Variants in SERPINI1 observed in about 807,000 individuals in gnomAD.
SERPINI1 encodes neuroserpin.
SERPINI1 carries 19 observed loss-of-function variants against 41.1 expected under a neutral mutation model. The observed-to-expected ratio is 0.46, with a 90% CI of 0.32 to 0.68. The LOEUF (loss-of-function observed/expected upper bound fraction) is 0.68, where lower values mean the gene tolerates loss of function less well. Among genes scored for constraint, SERPINI1 ranks in the 30% least tolerant of loss-of-function variants. SERPINI1 has a pLI of 0.03. For missense variants in SERPINI1, 460 were observed against 479.2 expected, an observed-to-expected ratio of 0.96 and a Z score of 0.37; for synonymous variants, 138 against 156.6, an observed-to-expected ratio of 0.88 and a Z score of 0.89.
At chr3:167,817,223 T>G (rs547218758) in intron 6 of SERPINI1, among the ~76,000 whole-genome samples, 3 of 152,288 alleles carry the variant, frequency 2.0e-5, no homozygotes, top group Non-Finnish European at 2.9e-5. Context: ...AAAAGATGAT[T>G]TGTATATGTT....
intron 1 of SERPINI1, among the ~76,000 whole-genome samples, chr3:167,738,193 G>A (rs954878371): frequency 3.3e-5 from 5 of 152,048 alleles, no homozygotes; most frequent in African/African-American, 9.7e-5. Context: ...TTTACTATTT[G>A]TGTATGGCTA....
chr3:167,775,909 T>G (rs540739705), intron 1 of SERPINI1, among the ~76,000 whole-genome samples: 1 of 152,164 alleles, frequency 6.6e-6, no homozygotes, highest in East Asian at 1.9e-4. Context: ...GTAAAAATAC[T>G]CTTTTCTCCA....
At chr3:167,775,011 G>T (rs567652257) in intron 1 of SERPINI1, among the ~76,000 whole-genome samples, 2 of 151,976 alleles carry the variant, frequency 1.3e-5, no homozygotes, top group African/African-American at 2.4e-5. Context: ...TGATGTGTAC[G>T]TATGACTAAC....
chr3:167,770,792 A>T (rs1726723396), intron 1 of SERPINI1, among the ~76,000 whole-genome samples: 1 of 152,130 alleles, frequency 6.6e-6, no homozygotes, highest in African/African-American at 2.4e-5. Context: ...GTGCATCTCA[A>T]ATCTCTTAAG....
chr3:167,772,222 C>T, intron 1 of SERPINI1, among the ~76,000 whole-genome samples: 1 of 152,078 alleles, frequency 6.6e-6, no homozygotes, highest in East Asian at 1.9e-4. Flanking sequence ...AATGAATGAT[C>T]CTTGGGGAGA....
At chr3:167,815,156 A>G (rs753071752) in intron 6 of SERPINI1, among the ~76,000 whole-genome samples, 5 of 152,264 alleles carry the variant, frequency 3.3e-5, no homozygotes, top group Non-Finnish European at 5.9e-5. Context: ...TGAAGAGTGT[A>G]TGGCCTAGCA....
At chr3:167,761,768 C>A (rs2108540429) in intron 1 of SERPINI1, among the ~76,000 whole-genome samples, 1 of 152,290 alleles carries the variant, frequency 6.6e-6, no homozygotes, top group East Asian at 1.9e-4. Flanking sequence ...TACCAAATTT[C>A]TCAGTGACAT....
intron 1 of SERPINI1, among the ~76,000 whole-genome samples, chr3:167,775,225 TTTA>T (rs558261774): frequency 0.15 from 20,357 of 134,056 alleles, 1,614 homozygotes; most frequent in African/African-American, 0.21. Flanking sequence ...GAAGTGTCAC[TTTA>T]TTATTATTAT....
intron 1 of SERPINI1, among the ~76,000 whole-genome samples, chr3:167,772,864 C>CTCTCTCTATATATATATATA (rs1374013676): frequency 3.2e-4 from 8 of 24,640 alleles, no homozygotes; most frequent in East Asian, 3.4e-3. Context: ...CTCTCTCTCT[C>CTCTCTCTATATATATATATA]TATATATATA....
chr3:167,769,389 A>G (rs1726669727), intron 1 of SERPINI1, among the ~76,000 whole-genome samples: 1 of 152,238 alleles, frequency 6.6e-6, no homozygotes, highest in Non-Finnish European at 1.5e-5. Flanking sequence ...ATTCTAGGGT[A>G]GGGATTACAT....
intron 1 of SERPINI1, among the ~76,000 whole-genome samples, chr3:167,757,851 G>A (rs562173852): frequency 9.0e-4 from 137 of 152,162 alleles, no homozygotes; most frequent in African/African-American, 3.2e-3. Flanking sequence ...CCCAGGAGGC[G>A]GAGATTGCAG....
intron 1 of SERPINI1, among the ~76,000 whole-genome samples, chr3:167,739,351 G>A (rs533329563): frequency 7.9e-5 from 12 of 152,238 alleles, no homozygotes; most frequent in Admixed American, 2.0e-4. Context: ...GACAGTTTGC[G>A]CTTTGATAGA....
intron 5 of SERPINI1, among the ~76,000 whole-genome samples, chr3:167,795,078 G>A (rs547339107): frequency 2.6e-5 from 4 of 151,632 alleles, no homozygotes; most frequent in South Asian, 2.1e-4. Context: ...TGGTTCATTC[G>A]GTGCTATTCA....
rs777179641 is a variant in SERPINI1, at chr3:167,792,771, A to C, written c.663A>C (p.Gly221=). Residue 221 remains glycine (G), a synonymous_variant, in exon 4 of 9, where the codon GGA becomes GGC. Coordinates refer to ENST00000446050, the MANE Select transcript of SERPINI1 (RefSeq NM_001122752.2). The stretch of plus-strand genomic sequence containing the variant: ...AAATTCCAATGATGTATCAGCAAGG[A>C]GAATTTTATTATGGTAAGACATTTT... ...EVQIPMMYQQ[G]EFYYGEFSDG... is the part of the protein sequence containing the mutation. 68 of 1,613,148 alleles carry C rather than the reference A, an allele frequency of 4.2e-5. No homozygotes were observed. In the South Asian group the frequency reaches 7.2e-4, roughly 17 times the overall value.
chr3:167,786,376 C>T (rs1273260317), intron 1 of SERPINI1, among the ~76,000 whole-genome samples: 14 of 151,928 alleles, frequency 9.2e-5, no homozygotes, highest in African/African-American at 2.4e-5. Flanking sequence ...GGCGTTGTGG[C>T]AGGCGCCTGT....
chr3:167,744,672 AT>A (rs1725794364), intron 1 of SERPINI1, among the ~76,000 whole-genome samples: 1 of 108,074 alleles, frequency 9.3e-6, no homozygotes, highest in African/African-American at 4.3e-5. Flanking sequence ...AAAAATATAT[AT>A]ATAAATATAT....
intron 5 of SERPINI1, among the ~76,000 whole-genome samples, chr3:167,801,109 C>A (rs1727885865): frequency 6.6e-6 from 1 of 152,236 alleles, no homozygotes; most frequent in Non-Finnish European, 1.5e-5. Context: ...TGGGCCACTG[C>A]ACCCGGCCCT....
intron 4 of SERPINI1, among the ~76,000 whole-genome samples, chr3:167,792,989 T>G (rs148829024): frequency 0.011 from 1,645 of 152,320 alleles, 38 homozygotes; most frequent in African/African-American, 0.038. Flanking sequence ...TTCAAATTTA[T>G]AAGTCAACCA....
At chr3:167,781,634 CTTTT>C (rs757785091) in intron 1 of SERPINI1, among the ~76,000 whole-genome samples, 13 of 81,748 alleles carry the variant, frequency 1.6e-4, no homozygotes, top group African/African-American at 4.1e-4. Context: ...TTCTTTTGGC[CTTTT>C]TTTTTTTTTT....
Sources: allele counts gnomAD v4.1 joint callset (sites outside exome capture counted in the v4.1 genomes callset), GRCh38; gene constraint gnomAD v4.1.1; transcripts MANE v1.5; gene names NCBI Gene and HGNC (gene_info 2026-07-23, HGNC 2026-07-21).